TENM2: variants seen among roughly 807,000 people sequenced by gnomAD.
The protein encoded by TENM2 is teneurin-2.
In TENM2, 52 loss-of-function variants were observed where a neutral mutation model predicts 245.2. The observed-to-expected ratio is 0.21, with a 90% CI of 0.17 to 0.27. The LOEUF (loss-of-function observed/expected upper bound fraction) is 0.27, where lower values mean the gene tolerates loss of function less well. TENM2 is among the 10% of genes least tolerant of loss of function. The pLI is 1.00. For synonymous variants in TENM2, 1,363 were observed against 1,438.9 expected, an observed-to-expected ratio of 0.95 and a Z score of 1.19; for missense variants, 3,046 against 3,666.8, an observed-to-expected ratio of 0.83 and a Z score of 4.37.
intron 2 of TENM2, among the ~76,000 whole-genome samples, chr5:167,491,764 A>G (rs1249808912): frequency 1.3e-5 from 2 of 152,168 alleles, no homozygotes; most frequent in African/African-American, 4.8e-5. Context: ...GTGTACAGCC[A>G]TTCACCTGTA....
At position 168,260,920 on chromosome 5, in the gene TENM2, C is replaced by T. The variant is rs142399665; in HGVS notation, c.7563+507C>T. ...CGATGACCGAGGGGTGGTCAGTTTCCATCTGGGTGCAGCTGAGACCTCTGC... is the reference window on the plus strand; with the variant it reads ...CGATGACCGAGGGGTGGTCAGTTTCTATCTGGGTGCAGCTGAGACCTCTGC... On this transcript the variant is annotated intron_variant, in intron 28 of 28. Transcript: ENST00000518659. 3.9e-3 allele frequency among the ~76,000 whole-genome samples: 592 copies of T among 152,260 alleles called. 2 individuals carry two copies. The highest frequency in any genetic ancestry group is 0.024 in the Middle Eastern group (7 of 294).
At chr5:167,532,300 TCTCTC>T (rs1488522461) in intron 2 of TENM2, among the ~76,000 whole-genome samples, 1 of 150,566 alleles carries the variant, frequency 6.6e-6, no homozygotes, top group Non-Finnish European at 1.5e-5. Flanking sequence ...TCTCTCTCTC[TCTCTC>T]TCTTTTTATA....
chr5:167,557,487 C>T (rs919764814), intron 2 of TENM2, among the ~76,000 whole-genome samples: 10 of 152,188 alleles, frequency 6.6e-5, no homozygotes. Context: ...GGAATAATAA[C>T]AAGGCCTAGC....
intron 7 of TENM2, among the ~76,000 whole-genome samples, chr5:168,064,728 G>A (rs1790345864): frequency 6.6e-6 from 1 of 152,190 alleles, no homozygotes; most frequent in Non-Finnish European, 1.5e-5. Flanking sequence ...AATAGGCATG[G>A]GCTGATGTGT....
chr5:167,433,821 T>C (rs947833582), intron 2 of TENM2, among the ~76,000 whole-genome samples: 2 of 152,160 alleles, frequency 1.3e-5, no homozygotes, highest in African/African-American at 4.8e-5. Flanking sequence ...CTTATCTTTT[T>C]ATGAGGAAAG....
At chr5:167,484,378 A>G (rs1418632896) in intron 2 of TENM2, among the ~76,000 whole-genome samples, 1 of 152,108 alleles carries the variant, frequency 6.6e-6, no homozygotes, top group East Asian at 1.9e-4. Flanking sequence ...GTCTTTATAA[A>G]AAGGATAATC....
intron 2 of TENM2, among the ~76,000 whole-genome samples, chr5:167,426,971 A>G (rs1415434964): frequency 6.6e-6 from 1 of 152,196 alleles, no homozygotes; most frequent in Non-Finnish European, 1.5e-5. Context: ...TGTGCTCTAG[A>G]TGTCATTTCC....
At chr5:167,337,502 A>G (rs1017624709) in intron 1 of TENM2, among the ~76,000 whole-genome samples, 4 of 152,232 alleles carry the variant, frequency 2.6e-5, no homozygotes, top group Non-Finnish European at 5.9e-5. Context: ...ATGAAGAGGC[A>G]TAAGTGCTGG....
the TENM2 span, among the ~76,000 whole-genome samples, chr5:167,095,281 T>C: frequency 2.0e-5 from 3 of 152,164 alleles, no homozygotes; most frequent in Non-Finnish European, 4.4e-5. Flanking sequence ...CATGACCCGC[T>C]TTGCAGAGGA....
At chr5:167,264,583 C>T in the TENM2 span, among the ~76,000 whole-genome samples, 1 of 152,104 alleles carries the variant, frequency 6.6e-6, no homozygotes, top group Admixed American at 6.6e-5. Context: ...TGAGCACAAG[C>T]CCTCACTGGG....
chr5:168,158,704 A>C (rs558053757), intron 12 of TENM2, among the ~76,000 whole-genome samples: 1 of 150,286 alleles, frequency 6.7e-6, no homozygotes, highest in African/African-American at 2.4e-5. Flanking sequence ...GGAGTGCTGT[A>C]ATCCCAGCAC....
At chr5:168,105,084 TAAGG>T (rs1444356150) in intron 9 of TENM2, among the ~76,000 whole-genome samples, 1 of 151,670 alleles carries the variant, frequency 6.6e-6, no homozygotes, top group Non-Finnish European at 1.5e-5. Flanking sequence ...AAGGAGAAAA[TAAGG>T]AAGTTTATAA....
At chr5:168,256,253 T>TGTGTATATATG (rs1562344818) in intron 27 of TENM2, among the ~76,000 whole-genome samples, 1 of 151,692 alleles carries the variant, frequency 6.6e-6, no homozygotes, top group African/African-American at 2.4e-5. Context: ...TGTATATATA[T>TGTGTATATATG]TTTTAGCAAC....
chr5:167,366,416 G>A (rs895458057), intron 1 of TENM2, among the ~76,000 whole-genome samples: 11 of 152,032 alleles, frequency 7.2e-5, no homozygotes, highest in Middle Eastern at 3.2e-3. Flanking sequence ...CATCATAATA[G>A]CTACATTTGT....
the TENM2 span, among the ~76,000 whole-genome samples, chr5:167,050,710 C>G: frequency 6.6e-6 from 1 of 152,162 alleles, no homozygotes; most frequent in East Asian, 1.9e-4. Context: ...AGATTCCTCT[C>G]TCCGTCTGTC....
At chr5:167,030,651 A>G in the TENM2 span, among the ~76,000 whole-genome samples, 1 of 152,078 alleles carries the variant, frequency 6.6e-6, no homozygotes, top group Admixed American at 6.5e-5. Context: ...CCGTGTTTAC[A>G]TCTTCCTTTC....
the TENM2 span, among the ~76,000 whole-genome samples, chr5:167,032,416 G>A: frequency 6.6e-6 from 1 of 152,124 alleles, no homozygotes; most frequent in South Asian, 2.1e-4. Context: ...CTGGTAGGAG[G>A]GATTTTTGAA....
At chr5:167,426,373 G>A (rs968401554) in intron 2 of TENM2, among the ~76,000 whole-genome samples, 8 of 152,016 alleles carry the variant, frequency 5.3e-5, no homozygotes, top group South Asian at 2.1e-4. Flanking sequence ...AGTCCCAGCT[G>A]TTCAGGAGGC....
chr5:167,398,382 CTTTCTTTCTTTCTTTCTTTCTTT>C (rs1762181418), intron 2 of TENM2, among the ~76,000 whole-genome samples: 1 of 22,970 alleles, frequency 4.4e-5, no homozygotes, highest in African/African-American at 4.7e-4. Flanking sequence ...TTCTTCCTTT[CTTTCTTTCTTTCTTTCTTTCTTT>C]CTTTCTTTCT....
Sources: allele counts gnomAD v4.1 joint callset (sites outside exome capture counted in the v4.1 genomes callset), GRCh38; gene constraint gnomAD v4.1.1; transcripts MANE v1.5; gene names NCBI Gene and HGNC (gene_info 2026-07-23, HGNC 2026-07-21).